MYOF: variants seen among roughly 807,000 people sequenced by gnomAD.
MYOF encodes the protein myoferlin.
In MYOF, 244 loss-of-function variants were observed where a neutral mutation model predicts 284.2. The observed-to-expected ratio is 0.86, with a 90% CI of 0.77 to 0.95. MYOF has a LOEUF of 0.95. Ranked by LOEUF, MYOF falls within the 40% of genes least tolerant of loss-of-function variation. The pLI is 0.00. For missense variants in MYOF, 2,496 were observed against 2,560.6 expected (o/e 0.97, Z 0.54); for synonymous variants, 904 against 919.7 (o/e 0.98, Z 0.31).
chr10:93,402,145 A>G, intron 11 of MYOF, 87 bp downstream of exon 11: 1 of 1,019,050 alleles, frequency 9.8e-7, no homozygotes, highest in Non-Finnish European at 1.5e-6. Context: ...GCTGTGCTCC[A>G]TTTCACAATT....
chr10:93,349,295 A>C (rs543970728), intron 36 of MYOF, among the ~76,000 whole-genome samples: 1 of 152,204 alleles, frequency 6.6e-6, no homozygotes, highest in South Asian at 2.1e-4. Flanking sequence ...ACCAGAGGGT[A>C]GCCTCAATGG....
intron 4 of MYOF, among the ~76,000 whole-genome samples, chr10:93,426,790 A>G (rs573434969): frequency 1.2e-3 from 180 of 151,430 alleles, no homozygotes; most frequent in African/African-American, 4.1e-3. Flanking sequence ...TCAGAGGCTG[A>G]GGCAGAAGAA....
intron 35 of MYOF, 59 bp from the exon 36 acceptor site, chr10:93,350,028 A>C: frequency 6.5e-7 from 1 of 1,527,258 alleles, no homozygotes; most frequent in Non-Finnish European, 8.9e-7. Flanking sequence ...ATAATATTCA[A>C]AAGGAAAAAT....
chr10:93,437,014 C>G (rs1849155477), intron 3 of MYOF, among the ~76,000 whole-genome samples: 2 of 152,172 alleles, frequency 1.3e-5, no homozygotes, highest in Non-Finnish European at 2.9e-5. Flanking sequence ...TCTGGCCCTC[C>G]AGCTTTCCTT....
At chr10:93,415,791 GT>G (rs1339119024) in intron 5 of MYOF, among the ~76,000 whole-genome samples, 2 of 152,036 alleles carry the variant, frequency 1.3e-5, no homozygotes, top group Non-Finnish European at 2.9e-5. Context: ...ACGTTCATCG[GT>G]TTCCCCCTTT....
Position 93,351,767 on chromosome 10 carries a change from G to A in MYOF, c.3561C>T (p.Asp1187=). 1 of 1,601,802 alleles carries A rather than the reference G, an allele frequency of 6.2e-7. No individual in the cohort carries two copies. Among genetic ancestry groups the A allele is most frequent in the Non-Finnish European group, 8.5e-7 (1 of 1,177,160 alleles). ...CAACTTCATCGAATATAATTGTTTG[G>A]TCCCACGTGGGATTCAGGGTTGAAT... ...IIHSTLNPTW[D]QTIIFDEVEI... is the part of the protein sequence containing the mutation. Residue 1187 remains aspartate, a synonymous_variant, in exon 33 of 54, where the codon GAC becomes GAT. Transcript: ENST00000359263.
chr10:93,358,886 G>C (rs924553106), intron 29 of MYOF, among the ~76,000 whole-genome samples: 10 of 152,092 alleles, frequency 6.6e-5, no homozygotes, highest in African/African-American at 2.2e-4. Context: ...AACCACCATG[G>C]CACACATTTA....
At position 93,431,495 on chromosome 10, in the gene MYOF, T is replaced by C. The variant is rs1428310026; in HGVS notation, c.258A>G (p.Val86=). The C allele has an allele frequency of 1.9e-6, 3 of 1,613,832 alleles. No homozygotes were observed. In the African/African-American group the frequency reaches 4.0e-5, roughly 22 times the overall value. ...GQNKLIGTAT[V]ALKDLTGDQS... is the part of the protein sequence containing the mutation. The stretch of plus-strand genomic sequence containing the variant: ...GGTCACCAGTCAGGTCCTTCAGGGC[T>C]ACAGTCGCCGTGCCAATTAATCTGC... Residue 86 remains valine, a synonymous_variant, in exon 4 of 54, where the codon GTA becomes GTG. Transcript: ENST00000359263.
intron 50 of MYOF, among the ~76,000 whole-genome samples, 162 bp downstream of exon 50, chr10:93,316,551 CT>C (rs1423241866): frequency 1.3e-5 from 2 of 152,124 alleles, no homozygotes; most frequent in Admixed American, 6.5e-5. Flanking sequence ...TCAGGCTGCA[CT>C]GCCAAGAGCT....
intron 5 of MYOF, among the ~76,000 whole-genome samples, chr10:93,422,013 C>T (rs573690593): frequency 8.5e-5 from 5 of 58,852 alleles, no homozygotes; most frequent in Non-Finnish European, 1.3e-4. Context: ...CACCTTTGAC[C>T]GAGCCCCGGC....
intron 22 of MYOF, among the ~76,000 whole-genome samples, chr10:93,376,198 A>G (rs960570954): frequency 7.2e-5 from 11 of 152,364 alleles, no homozygotes; most frequent in African/African-American, 2.4e-4. Flanking sequence ...CATGAAAGTT[A>G]TTACCAAATG....
intron 15 of MYOF, among the ~76,000 whole-genome samples, chr10:93,396,860 G>A (rs1847035501): frequency 6.6e-6 from 1 of 152,064 alleles, no homozygotes; most frequent in South Asian, 2.1e-4. Flanking sequence ...CCTTCATTGA[G>A]GTAGTTTTAC....
rs1846996329 is a variant in MYOF, at chr10:93,396,122, A to G, written c.1417+20T>C. On this transcript the variant is annotated intron_variant, in intron 16 of 53. Coordinates refer to ENST00000359263, the MANE Select transcript of MYOF (RefSeq NM_013451.4). ...AAAGTTCTGTATCCAGTCTTGTTCT[A>G]GATCTGTTGAGTGACTTACCTTCCA... The G allele has an allele frequency of 1.9e-6, 3 of 1,574,392 alleles. No individual in the cohort carries two copies. The highest frequency in any genetic ancestry group is 1.7e-5 in the Admixed American group (1 of 58,374).
At chr10:93,435,230 A>C (rs1441417964) in intron 3 of MYOF, among the ~76,000 whole-genome samples, 7 of 152,240 alleles carry the variant, frequency 4.6e-5, no homozygotes, top group Non-Finnish European at 1.0e-4. Context: ...AATCTCTGTC[A>C]TCAATAAACA....
intron 51 of MYOF, among the ~76,000 whole-genome samples, chr10:93,311,839 A>G (rs1236759837): frequency 1.3e-5 from 2 of 152,170 alleles, no homozygotes; most frequent in African/African-American, 2.4e-5. Context: ...AAGTGGGGAC[A>G]ATGTCTACTT....
chr10:93,426,028 C>T, intron 5 of MYOF, 43 bp downstream of exon 5: 1 of 1,530,266 alleles, frequency 6.5e-7, no homozygotes, highest in African/African-American at 1.4e-5. Context: ...TCTTTAGCAG[C>T]CTCCCCCTGG....
At chr10:93,352,624 G>GA (rs1382794379) in intron 32 of MYOF, among the ~76,000 whole-genome samples, 1 of 152,290 alleles carries the variant, frequency 6.6e-6, no homozygotes, top group South Asian at 2.1e-4. Flanking sequence ...TGACTTATCT[G>GA]AAAAATAACA....
At chr10:93,332,951 C>T (rs961813624) in intron 43 of MYOF, among the ~76,000 whole-genome samples, 2 of 152,132 alleles carry the variant, frequency 1.3e-5, no homozygotes, top group South Asian at 2.1e-4. Flanking sequence ...GGGGGGTCCC[C>T]GGAAAAACTC....
At chr10:93,410,520 C>A (rs1388734847) in intron 5 of MYOF, among the ~76,000 whole-genome samples, 1 of 152,188 alleles carries the variant, frequency 6.6e-6, no homozygotes, top group African/African-American at 2.4e-5. Context: ...GGGGTTCCGT[C>A]TCTATTGCAG....
Sources: gnomAD v4.1 joint callset for allele counts (sites outside exome capture counted in the v4.1 genomes callset) on GRCh38, gnomAD v4.1.1 for gene constraint, MANE v1.5 for transcripts, NCBI Gene and HGNC (gene_info 2026-07-23, HGNC 2026-07-21) for gene names.